ADARB2: variants seen among roughly 807,000 people sequenced by gnomAD.
ADARB2 encodes the protein inactive double-stranded RNA-specific editase B2.
A neutral mutation model predicts 62.2 loss-of-function variants in ADARB2; 25 were observed. That is an observed-to-expected ratio of 0.40 (90% confidence interval 0.29 to 0.56). The LOEUF is 0.56. Ranked by LOEUF, ADARB2 falls within the 20% of genes least tolerant of loss-of-function variation. The probability of loss-of-function intolerance (pLI) is 0.43; values close to 1 mark genes in which losing one functional copy is unlikely to be tolerated. For synonymous variants in ADARB2, 572 were observed against 500.8 expected (o/e 1.14, Z -1.90); for missense variants, 1,071 against 1,077.4 (o/e 0.99, Z 0.08).
chr10:1,234,871 C>T (rs1158883045), intron 5 of ADARB2, among the ~76,000 whole-genome samples: 1 of 149,736 alleles, frequency 6.7e-6, no homozygotes, highest in Non-Finnish European at 1.5e-5. Flanking sequence ...GCCTCAGCCT[C>T]CTGAGTAGTT....
At chr10:1,517,768 A>T (rs1176266365) in intron 1 of ADARB2, among the ~76,000 whole-genome samples, 1 of 152,094 alleles carries the variant, frequency 6.6e-6, no homozygotes, top group Non-Finnish European at 1.5e-5. Context: ...GAATCACGAG[A>T]TGGGATTTTG....
chr10:1,624,277 A>G (rs1425594680), intron 1 of ADARB2, among the ~76,000 whole-genome samples: 1 of 152,162 alleles, frequency 6.6e-6, no homozygotes, highest in African/African-American at 2.4e-5. Flanking sequence ...CAAAAACCAA[A>G]GAAAAAAAGA....
At chr10:1,668,988 G>A (rs765155251) in intron 1 of ADARB2, among the ~76,000 whole-genome samples, 5 of 152,204 alleles carry the variant, frequency 3.3e-5, no homozygotes, top group Non-Finnish European at 7.3e-5. Flanking sequence ...TTCACCTTGG[G>A]CTGGTTGGCC....
At chr10:1,418,514 AT>A (rs1832824796) in intron 1 of ADARB2, among the ~76,000 whole-genome samples, 1 of 152,212 alleles carries the variant, frequency 6.6e-6, no homozygotes, top group African/African-American at 2.4e-5. Flanking sequence ...CACTTAACTA[AT>A]TTCCTTCCAC....
chr10:1,506,746 C>T (rs1406611107), intron 1 of ADARB2, among the ~76,000 whole-genome samples: 1 of 152,190 alleles, frequency 6.6e-6, no homozygotes, highest in Non-Finnish European at 1.5e-5. Context: ...CTGTGGGGTC[C>T]CCCAAATTCC....
intron 7 of ADARB2, among the ~76,000 whole-genome samples, chr10:1,211,611 G>A (rs1021409091): frequency 6.6e-6 from 1 of 152,208 alleles, no homozygotes; most frequent in African/African-American, 2.4e-5. Context: ...ATGGTATGCT[G>A]CTCACAGTCA....
chr10:1,659,614 G>A (rs764765378), intron 1 of ADARB2, among the ~76,000 whole-genome samples: 3 of 152,216 alleles, frequency 2.0e-5, no homozygotes, highest in Admixed American at 1.3e-4. Flanking sequence ...TCTAAGATCC[G>A]GGCAATCCCA....
At chr10:1,721,299 C>T (rs1835089347) in intron 1 of ADARB2, among the ~76,000 whole-genome samples, 1 of 152,206 alleles carries the variant, frequency 6.6e-6, no homozygotes, top group Admixed American at 6.5e-5. Context: ...TGACATTTTG[C>T]TGTATGTGTT....
chr10:1,491,900 T>G (rs1831627025), intron 1 of ADARB2, among the ~76,000 whole-genome samples: 1 of 152,242 alleles, frequency 6.6e-6, no homozygotes, highest in Non-Finnish European at 1.5e-5. Flanking sequence ...ACTGGATTGT[T>G]GTAAAAATCA....
At chr10:1,428,538 C>G (rs1207522969) in intron 1 of ADARB2, among the ~76,000 whole-genome samples, 1 of 152,124 alleles carries the variant, frequency 6.6e-6, no homozygotes, top group Non-Finnish European at 1.5e-5. Flanking sequence ...CCGCCCGCCT[C>G]TGCCTCCTAA....
chr10:1,496,279 TATC>T (rs1831690184), intron 1 of ADARB2, among the ~76,000 whole-genome samples: 1 of 151,068 alleles, frequency 6.6e-6, no homozygotes, highest in South Asian at 2.1e-4. Context: ...TCATCAACTT[TATC>T]ATCATCATAG....
intron 1 of ADARB2, among the ~76,000 whole-genome samples, chr10:1,601,023 C>A (rs78914597): frequency 6.6e-6 from 1 of 152,272 alleles, no homozygotes; most frequent in South Asian, 2.1e-4. Context: ...GCTGATGCTA[C>A]GTCTAATTCA....
intron 1 of ADARB2, among the ~76,000 whole-genome samples, chr10:1,645,683 T>C (rs1420762682): frequency 2.0e-5 from 3 of 152,060 alleles, no homozygotes; most frequent in Non-Finnish European, 2.9e-5. Context: ...TCTGAGTCCA[T>C]CCCTGGCACT....
At chr10:1,564,267 T>C (rs1212149684) in intron 1 of ADARB2, among the ~76,000 whole-genome samples, 2 of 152,202 alleles carry the variant, frequency 1.3e-5, no homozygotes, top group African/African-American at 4.8e-5. Context: ...AGTGTTCCTA[T>C]TTCTCCACAT....
chr10:1,642,179 A>T (rs1459167277), intron 1 of ADARB2, among the ~76,000 whole-genome samples: 1 of 150,330 alleles, frequency 6.7e-6, no homozygotes, highest in Non-Finnish European at 1.5e-5. Flanking sequence ...AGAAATCAAA[A>T]CCAGAACTTG....
intron 3 of ADARB2, among the ~76,000 whole-genome samples, chr10:1,273,566 CA>C (rs1831284737): frequency 6.6e-6 from 1 of 152,224 alleles, no homozygotes; most frequent in Non-Finnish European, 1.5e-5. Flanking sequence ...ATCTAAAGGT[CA>C]GGCCTGGCTG....
rs113511346 is a variant in ADARB2, at chr10:1,549,732, C to A, written c.101-170572G>T. Among the ~76,000 whole-genome samples the A allele has an allele frequency of 6.3e-3, 959 of 152,190 alleles. 6 individuals are homozygous for A. The highest frequency in any genetic ancestry group is 0.018 in the African/African-American group (735 of 41,548). On this transcript the variant is annotated intron_variant, in intron 1 of 9. Transcript: ENST00000381312. ...TCCTCTAGACTCCAAAACCGATGCC[C>A]TGGAAAGGCAGGAGATATCACAGGG...
intron 1 of ADARB2, among the ~76,000 whole-genome samples, chr10:1,599,191 T>G (rs1373337589): frequency 6.6e-6 from 1 of 152,206 alleles, no homozygotes; most frequent in African/African-American, 2.4e-5. Context: ...CCTGCAGCGT[T>G]GACTCGCTTG....
chr10:1,325,995 ACT>A (rs1329402740), intron 3 of ADARB2, among the ~76,000 whole-genome samples: 1 of 152,210 alleles, frequency 6.6e-6, no homozygotes, highest in Non-Finnish European at 1.5e-5. Flanking sequence ...TTACTAATCA[ACT>A]CTCTCACAGG....
Sources: allele counts gnomAD v4.1 joint callset (sites outside exome capture counted in the v4.1 genomes callset), GRCh38; gene constraint gnomAD v4.1.1; transcripts MANE v1.5; gene names NCBI Gene and HGNC (gene_info 2026-07-23, HGNC 2026-07-21).